The following MMP25 variants were observed in gnomAD, a reference collection of about 807,000 sequenced individuals.
MMP25 encodes the protein matrix metallopeptidase 25.
A neutral mutation model predicts 62.1 loss-of-function variants in MMP25; 68 were observed. That is an observed-to-expected ratio of 1.10 (90% CI 0.90 to 1.34). MMP25 has a LOEUF of 1.34. MMP25 is among the 40% of genes most tolerant of loss of function. The probability of loss-of-function intolerance (pLI) is 0.00; values close to 1 mark genes in which losing one functional copy is unlikely to be tolerated. For synonymous variants in MMP25, 407 were observed against 345.6 expected, an observed-to-expected ratio of 1.18 and a Z score of -1.97; for missense variants, 942 against 792.5, an observed-to-expected ratio of 1.19 and a Z score of -2.26.
intron 8 of MMP25, 26 bp downstream of exon 8, chr16:3,058,359 G>T: frequency 6.6e-7 from 1 of 1,509,310 alleles, no homozygotes; most frequent in East Asian, 2.5e-5. Context: ...GGCGGGGCGC[G>T]CTGGGGCCGG....
intron 2 of MMP25, among the ~76,000 whole-genome samples, chr16:3,049,103 C>T (rs556760262): frequency 1.6e-4 from 25 of 152,008 alleles, no homozygotes; most frequent in East Asian, 1.5e-3. Context: ...CCACCGTGCC[C>T]GGCTTTGACT....
Position 3,047,537 on chromosome 16 carries a change from C to G in MMP25, c.222C>G (p.Thr74=). The change falls in exon 2 of 10, where the codon ACC becomes ACG. Residue 74 remains threonine, a synonymous_variant. Coordinates refer to ENST00000336577, the MANE Select transcript of MMP25 (RefSeq NM_022468.5). ...AGAGGTTCGCGGGGCTGCCGGAGAC[C>G]GGCCGCATGGGTAGGTGGCCCCCAC... ...VMQRFAGLPE[T]GRMDPGTVAT... is the part of the protein sequence containing the mutation. The G allele has an allele frequency of 2.5e-6, 4 of 1,613,136 alleles. No individual in the cohort carries two copies. Among genetic ancestry groups the G allele is most frequent in the African/African-American group, 2.7e-5 (2 of 75,022 alleles).
chr16:3,049,731 T>C (rs968323557), intron 2 of MMP25, among the ~76,000 whole-genome samples: 5 of 152,154 alleles, frequency 3.3e-5, no homozygotes, highest in African/African-American at 1.2e-4. Context: ...GGAAGCTGGA[T>C]GCAAAATCCT....
At position 3,057,357 on chromosome 16, in the gene MMP25, G is replaced by A; in HGVS notation, c.886G>A (p.Ala296Thr). Reference protein sequence around the residue: ...PYDKPTRKPLAPPPQPPASPT... With the variant: ...PYDKPTRKPLTPPPQPPASPT... Reference sequence around the variant, plus strand: ...TGACAAGCCCACAAGGAAACCCCTGGCTCCTCCGCCCCAGCCCCCGGCCTC... The same window carrying A: ...TGACAAGCCCACAAGGAAACCCCTGACTCCTCCGCCCCAGCCCCCGGCCTC... Residue 296 changes from alanine (A) to threonine (T), a missense_variant, in exon 6 of 10, where the codon GCT becomes ACT. Coordinates refer to ENST00000336577, the MANE Select transcript of MMP25 (RefSeq NM_022468.5). 6.2e-7 allele frequency: 1 copy of A among 1,613,688 alleles called. No individual in the cohort carries two copies. The highest frequency in any genetic ancestry group is 1.7e-5 in the Admixed American group (1 of 59,930).
Position 3,058,584 on chromosome 16 carries a change from G to A in MMP25, c.1332G>A (p.Ala444=), listed in dbSNP as rs921772351. Residue 444 remains alanine (A), a synonymous_variant, in exon 9 of 10, where the codon GCG becomes GCA. Coordinates refer to ENST00000336577, the MANE Select transcript of MMP25 (RefSeq NM_022468.5). ...RQYWRYDEAA[A]RPDPGYPRDL... ...ACTGGCGCTACGACGAGGCGGCGGC[G>A]CGCCCGGACCCCGGCTACCCTCGCG... 1.9e-6 allele frequency: 3 copies of A among 1,608,108 alleles called. No individual in the cohort carries two copies. The highest frequency in any genetic ancestry group is 2.7e-5 in the African/African-American group (2 of 74,872).
Position 3,058,677 on chromosome 16 carries a change from G to T in MMP25, c.1417+8G>T, listed in dbSNP as rs1354206878. On this transcript the variant is annotated splice_region_variant and intron_variant, in intron 9 of 9. Coordinates refer to ENST00000336577, the MANE Select transcript of MMP25 (RefSeq NM_022468.5). ...TCACCGTCAGCAACGCAGGTGGGGA[G>T]CGCGGTGACCTGCGGGTTACTGGGC... 2 of 1,591,848 alleles carry T rather than the reference G, an allele frequency of 1.3e-6. No individual in the cohort carries two copies.
In MMP25 at chr16:3,059,615, C is replaced by T. The variant is rs1956081665; in HGVS notation, c.*517C>T. On this transcript the variant is annotated 3_prime_UTR_variant, in exon 10 of 10. Transcript: ENST00000336577. ...CGCCTGGCCACTGCGTCTGGCATTC[C>T]TGGGTCGTTAGAGGACAGGCCTGAC... The T allele has an allele frequency of 6.5e-6, 1 of 153,286 alleles. No homozygotes were observed. Among genetic ancestry groups the T allele is most frequent in the Admixed American group, 6.5e-5 (1 of 15,294 alleles). 9.5% of individuals were successfully genotyped at this position (153,286 alleles called of 1,614,324 possible).
At chr16:3,051,040 C>G (rs1567124744) in intron 4 of MMP25, 1 of 152,614 alleles carries the variant, frequency 6.6e-6, no homozygotes, top group Non-Finnish European at 1.5e-5. Flanking sequence ...ATCCTCCCAT[C>G]TTGGTCTCTC....
chr16:3,058,269 C>G lies in MMP25; in HGVS notation c.1095C>G (p.Ala365=), dbSNP rs748734163. The stretch of plus-strand genomic sequence containing the variant: ...ACCGCTTCTGGGAGGGGCTGCCCGC[C>G]CAGGTGAGGGTGGTGCAGGCCGCCT... ...RLHRFWEGLP[A]QVRVVQAAYA... Residue 365 remains alanine (A), a synonymous_variant, in exon 8 of 10, where the codon GCC becomes GCG. Coordinates refer to ENST00000336577, the MANE Select transcript of MMP25 (RefSeq NM_022468.5). 6.2e-7 allele frequency: 1 copy of G among 1,610,946 alleles called. No individual in the cohort carries two copies. Among genetic ancestry groups the G allele is most frequent in the South Asian group, 1.1e-5 (1 of 90,846 alleles).
chr16:3,056,803 T>C, intron 4 of MMP25: 3 of 490,210 alleles, frequency 6.1e-6, no homozygotes, highest in Non-Finnish European at 1.1e-5. Flanking sequence ...CTCTGTGTGT[T>C]CTCTGGATCT....
At chr16:3,049,888 AG>A in intron 2 of MMP25, 120 bp from the exon 3 acceptor site, 1 of 1,458,330 alleles carries the variant, frequency 6.9e-7, no homozygotes, top group Non-Finnish European at 9.5e-7. Context: ...GGGGCCTTCG[AG>A]GGCACATTTC....
At chr16:3,050,623 T>G in intron 4 of MMP25, 77 bp downstream of exon 4, 1 of 1,414,876 alleles carries the variant, frequency 7.1e-7, no homozygotes, top group South Asian at 1.4e-5. Flanking sequence ...TGTGTTTTGT[T>G]TTGTTTAAGA....
intron 6 of MMP25, 51 bp from the exon 7 acceptor site, chr16:3,057,480 C>G (rs1342359922): frequency 1.3e-6 from 2 of 1,598,118 alleles, no homozygotes; most frequent in Admixed American, 3.3e-5. Context: ...GGGGTCCCTG[C>G]CTTGGAGAAA....
In MMP25 at chr16:3,058,571, A is replaced by C; in HGVS notation, c.1319A>C (p.Asp440Ala). 1 of 1,609,502 alleles carries C rather than the reference A, an allele frequency of 6.2e-7. No homozygotes were observed. The highest frequency in any genetic ancestry group is 8.5e-7 in the Non-Finnish European group (1 of 1,178,728). Residue 440 changes from aspartate (D) to alanine (A), a missense_variant, in exon 9 of 10, where the codon GAC (aspartate) becomes GCC (alanine). Transcript: ENST00000336577. ...LVRGRQYWRY[D>A]EAAARPDPGY... is the part of the protein sequence containing the mutation. Reference sequence around the variant, plus strand: ...CGCGGCCGGCAGTACTGGCGCTACGACGAGGCGGCGGCGCGCCCGGACCCC... The same window carrying C: ...CGCGGCCGGCAGTACTGGCGCTACGCCGAGGCGGCGGCGCGCCCGGACCCC...
rs925957676 is a variant in MMP25, at chr16:3,047,093, C to G, written c.99+77C>G. On this transcript the variant is annotated intron_variant, in intron 1 of 9. Coordinates refer to ENST00000336577, the MANE Select transcript of MMP25 (RefSeq NM_022468.5). ...GAAGCCGGGCCCGGACTCCTGGGTC[C>G]GGAGGAGGCAGGGGCCAGATTCCAA... is the stretch of plus-strand genomic sequence containing the variant. The G allele has an allele frequency of 2.2e-6, 3 of 1,349,092 alleles. No individual in the cohort carries two copies. In the African/African-American group the frequency reaches 4.6e-5, roughly 21 times the overall value. The allele number at this position is 1,349,092 out of a possible 1,614,324, so 83.6% of individuals were successfully genotyped here.
At chr16:3,049,181 G>A (rs950588785) in intron 2 of MMP25, among the ~76,000 whole-genome samples, 1 of 151,782 alleles carries the variant, frequency 6.6e-6, no homozygotes, top group African/African-American at 2.4e-5. Flanking sequence ...CCAGGCAGAA[G>A]ACGGCTGCGG....
Position 3,050,096 on chromosome 16 carries a change from GGT to G in MMP25, c.321_322del (p.Tyr108ArgfsTer51). 1.2e-6 allele frequency: 2 copies of G among 1,611,404 alleles called. No homozygotes were observed. The highest frequency in any genetic ancestry group is 1.7e-6 in the Non-Finnish European group (2 of 1,179,758). On this transcript the variant is annotated frameshift_variant, in exon 3 of 10. Coordinates refer to ENST00000336577, the MANE Select transcript of MMP25 (RefSeq NM_022468.5). LOFTEE classifies it high-confidence loss of function. Reference sequence around the variant, plus strand: ...GCGGGGCTGGTCAGGCGGCGTCGCCGGTACGCTCTGAGCGGCAGCGTGTGGAA... The same window carrying G: ...GCGGGGCTGGTCAGGCGGCGTCGCCGACGCTCTGAGCGGCAGCGTGTGGAA...
At chr16:3,058,797 G>C in intron 9 of MMP25, 30 bp from the exon 10 acceptor site, 2 of 1,495,610 alleles carry the variant, frequency 1.3e-6, no homozygotes, top group Non-Finnish European at 1.8e-6. Flanking sequence ...GGGGCGGGGA[G>C]GGACCGGGAC....
chr16:3,058,773 C>T (rs541727512), intron 9 of MMP25, 54 bp from the exon 10 acceptor site: 2 of 1,442,116 alleles, frequency 1.4e-6, no homozygotes, highest in South Asian at 2.7e-5. Context: ...GGTCCTTGGG[C>T]ATCAGGGAGC....
Sources: allele counts gnomAD v4.1 joint callset (sites outside exome capture counted in the v4.1 genomes callset), GRCh38; gene constraint gnomAD v4.1.1; transcripts MANE v1.5; gene names NCBI Gene and HGNC (gene_info 2026-07-23, HGNC 2026-07-21).